ADAM22: variants seen among roughly 807,000 people sequenced by gnomAD.
ADAM22 encodes disintegrin and metalloproteinase domain-containing protein 22.
In ADAM22, 65 loss-of-function variants were observed where a neutral mutation model predicts 144.6. The ratio of observed to expected loss-of-function variants is 0.45; its 90% CI spans 0.37 to 0.55. ADAM22 has a LOEUF of 0.55. Among genes scored for constraint, ADAM22 ranks in the 20% least tolerant of loss-of-function variants. The pLI is 0.00. For synonymous variants in ADAM22, 391 were observed against 412.6 expected (o/e 0.95, Z 0.63); for missense variants, 974 against 1,184.9 (o/e 0.82, Z 2.61).
At chr7:87,999,924 A>G (rs997084386) in intron 3 of ADAM22, among the ~76,000 whole-genome samples, 1 of 152,004 alleles carries the variant, frequency 6.6e-6, no homozygotes, top group African/African-American at 2.4e-5. Flanking sequence ...GTAGTGTTCC[A>G]TAATTGCACC....
chr7:87,994,602 A>G (rs1041443722), intron 3 of ADAM22, among the ~76,000 whole-genome samples: 2 of 151,814 alleles, frequency 1.3e-5, no homozygotes, highest in Non-Finnish European at 2.9e-5. Flanking sequence ...CTTCTTTTTA[A>G]AGTGTTCTTT....
chr7:88,138,491 G>A (rs1263688338), intron 14 of ADAM22, among the ~76,000 whole-genome samples: 1 of 152,112 alleles, frequency 6.6e-6, no homozygotes, highest in East Asian at 1.9e-4. Context: ...TAATTTGATT[G>A]CACCAAATAT....
chr7:88,010,333 G>A (rs924258439), intron 3 of ADAM22, among the ~76,000 whole-genome samples: 4 of 152,076 alleles, frequency 2.6e-5, no homozygotes, highest in African/African-American at 4.8e-5. Flanking sequence ...ATGGACACCC[G>A]CTTTTAACTA....
At chr7:88,134,021 A>G (rs1832440165) in intron 12 of ADAM22, among the ~76,000 whole-genome samples, 1 of 152,186 alleles carries the variant, frequency 6.6e-6, no homozygotes, top group Non-Finnish European at 1.5e-5. Context: ...TTAATTATAT[A>G]CCAATATTGA....
intron 3 of ADAM22, among the ~76,000 whole-genome samples, chr7:87,996,325 A>G (rs1237701221): frequency 1.3e-5 from 2 of 152,232 alleles, no homozygotes; most frequent in South Asian, 4.1e-4. Context: ...TTACAGATCC[A>G]AAGGCTGAGG....
chr7:88,189,138 T>C (rs1223628804), intron 30 of ADAM22, among the ~76,000 whole-genome samples: 1 of 152,174 alleles, frequency 6.6e-6, no homozygotes, highest in African/African-American at 2.4e-5. Flanking sequence ...TGCCCCCTTA[T>C]CCAGTTTCGA....
chr7:87,971,496 A>G (rs978427698), intron 2 of ADAM22, among the ~76,000 whole-genome samples: 5 of 152,204 alleles, frequency 3.3e-5, no homozygotes, highest in African/African-American at 1.2e-4. Flanking sequence ...GGAATCTCTC[A>G]ATATTATTCT....
intron 3 of ADAM22, among the ~76,000 whole-genome samples, chr7:88,071,935 T>G (rs1317078224): frequency 6.6e-6 from 1 of 152,044 alleles, no homozygotes; most frequent in Non-Finnish European, 1.5e-5. Flanking sequence ...TAGATCCCTA[T>G]ATAATGATGA....
chr7:88,123,461 G>A lies in ADAM22; in HGVS notation c.608-2128G>A, dbSNP rs535606493. ...ATTCAGATTTTCTATATATACACAC[G>A]TTCAAGGAATTTCATCTAAATTAAC... On this transcript the variant is annotated intron_variant, in intron 7 of 31. Coordinates refer to ENST00000413139, the MANE Select transcript of ADAM22 (RefSeq NM_001324418.2). Among the ~76,000 whole-genome samples the A allele has an allele frequency of 1.6e-4, 25 of 152,028 alleles. No homozygotes were observed. The South Asian group carries it at 5.0e-3, about 30-fold the overall frequency.
chr7:88,006,809 A>G (rs1411331216), intron 3 of ADAM22, among the ~76,000 whole-genome samples: 3 of 151,160 alleles, frequency 2.0e-5, no homozygotes, highest in Non-Finnish European at 2.9e-5. Context: ...TGAATGGGCA[A>G]AAACTGGAAG....
rs892620756 is a variant in ADAM22, at chr7:88,071,376, C to G, written c.324-4250C>G. Among the ~76,000 whole-genome samples the G allele has an allele frequency of 2.0e-5, 3 of 148,950 alleles. No individual in the cohort carries two copies. The Admixed American group carries it at 2.0e-4, about 10-fold the overall frequency. On this transcript the variant is annotated intron_variant, in intron 3 of 31. Coordinates refer to ENST00000413139, the MANE Select transcript of ADAM22 (RefSeq NM_001324418.2). Reference sequence around the variant, plus strand: ...TCTATGTTCTGGTTTAATACCATACCAGCTTTATGAAGTGATTTTTTTTTT... The same window carrying G: ...TCTATGTTCTGGTTTAATACCATACGAGCTTTATGAAGTGATTTTTTTTTT...
chr7:88,119,259 G>A (rs1828621056), intron 7 of ADAM22, among the ~76,000 whole-genome samples: 1 of 152,176 alleles, frequency 6.6e-6, no homozygotes, highest in African/African-American at 2.4e-5. Context: ...CTACACTCTT[G>A]TTGAGAGATA....
intron 26 of ADAM22, among the ~76,000 whole-genome samples, chr7:88,174,411 AG>A (rs67356440): frequency 0.12 from 17,615 of 152,152 alleles, 1,766 homozygotes; most frequent in East Asian, 0.48. Flanking sequence ...GGAACAAAGG[AG>A]CCATAGCCTT....
intron 2 of ADAM22, among the ~76,000 whole-genome samples, chr7:87,935,439 T>C (rs558192929): frequency 2.6e-5 from 4 of 152,214 alleles, no homozygotes; most frequent in African/African-American, 9.6e-5. Context: ...TGCGGTGAGC[T>C]GAGAGAACAG....
intron 2 of ADAM22, among the ~76,000 whole-genome samples, chr7:87,970,499 T>A (rs538838993): frequency 1.3e-5 from 2 of 152,298 alleles, no homozygotes; most frequent in South Asian, 4.1e-4. Flanking sequence ...CAGGTTGGAC[T>A]TAATTAAAAA....
intron 3 of ADAM22, among the ~76,000 whole-genome samples, chr7:87,984,389 G>A (rs1346680010): frequency 6.6e-6 from 1 of 152,026 alleles, no homozygotes; most frequent in African/African-American, 2.4e-5. Context: ...GTGGAGGGTT[G>A]GTGTCACCAA....
chr7:87,964,522 T>C (rs540914486), intron 2 of ADAM22: 1 of 292,052 alleles, frequency 3.4e-6, no homozygotes, highest in Admixed American at 4.9e-5. Flanking sequence ...AATTAATTTC[T>C]AGAGTCTCTT....
rs182178671 is a variant in ADAM22, at chr7:88,163,061, G to A, written c.1957G>A (p.Asp653Asn). Residue 653 changes from aspartate to asparagine, a missense_variant, in exon 23 of 32, where the codon GAT (aspartate) becomes AAT (asparagine). Physicochemically the swap from Asp to Asn is conservative, Grantham distance 23. Coordinates refer to ENST00000413139, the MANE Select transcript of ADAM22 (RefSeq NM_001324418.2). Reference protein sequence around the residue: ...EEDVDLGYVEDGTPCGPQMMC... With the variant: ...EEDVDLGYVENGTPCGPQMMC... ...AGATGTAGATCTTGGCTATGTGGAA[G>A]ATGGGACACCTTGTGGTCCCCAAAT... The A allele has an allele frequency of 1.6e-5, 25 of 1,611,176 alleles. No individual in the cohort carries two copies. The highest frequency in any genetic ancestry group is 6.7e-5 in the East Asian group (3 of 44,752).
chr7:88,085,982 A>G (rs1818351774), intron 4 of ADAM22, among the ~76,000 whole-genome samples: 1 of 152,034 alleles, frequency 6.6e-6, no homozygotes, highest in Non-Finnish European at 1.5e-5. Context: ...CGAGACCATC[A>G]TGGCTAACAC....
Sources: allele counts gnomAD v4.1 joint callset (sites outside exome capture counted in the v4.1 genomes callset), GRCh38; gene constraint gnomAD v4.1.1; transcripts MANE v1.5; gene names NCBI Gene and HGNC (gene_info 2026-07-23, HGNC 2026-07-21).